Variants in GNAL observed in about 807,000 individuals in gnomAD.
The protein encoded by GNAL is guanine nucleotide-binding protein G(olf) subunit alpha.
A neutral mutation model predicts 55.1 loss-of-function variants in GNAL; 18 were observed. The ratio of observed to expected loss-of-function variants is 0.33; its 90% CI spans 0.23 to 0.48. The LOEUF is 0.48. GNAL is among the 20% of genes least tolerant of loss of function. The pLI is 0.99. For synonymous variants in GNAL, 253 were observed against 237.0 expected, an observed-to-expected ratio of 1.07 and a Z score of -0.62; for missense variants, 412 against 614.1, an observed-to-expected ratio of 0.67 and a Z score of 3.48.
intron 5 of GNAL, among the ~76,000 whole-genome samples, chr18:11,856,009 A>G (rs1180127733): frequency 1.3e-5 from 2 of 151,164 alleles, no homozygotes; most frequent in African/African-American, 4.9e-5. Flanking sequence ...CACCAGTCTG[A>G]TAAGAGAACC....
intron 5 of GNAL, among the ~76,000 whole-genome samples, chr18:11,830,528 AT>A (rs941489728): frequency 1.5e-4 from 23 of 152,220 alleles, no homozygotes; most frequent in African/African-American, 5.5e-4. Context: ...TGATGCTGAA[AT>A]TGTTAGGGCC....
At chr18:11,739,034 G>A (rs2032518767) in intron 1 of GNAL, among the ~76,000 whole-genome samples, 1 of 152,150 alleles carries the variant, frequency 6.6e-6, no homozygotes, top group Non-Finnish European at 1.5e-5. Context: ...ACACCATGAT[G>A]GTGTCCGCTG....
intron 7 of GNAL, among the ~76,000 whole-genome samples, chr18:11,866,484 C>T (rs963467958): frequency 1.3e-5 from 2 of 150,378 alleles, no homozygotes; most frequent in African/African-American, 5.0e-5. Context: ...GCCTTATGCG[C>T]TGAGCAGGGG....
intron 5 of GNAL, among the ~76,000 whole-genome samples, chr18:11,827,888 G>A (rs1018632622): frequency 1.4e-4 from 21 of 150,542 alleles, no homozygotes; most frequent in African/African-American, 4.9e-4. Flanking sequence ...GGGGAATGGC[G>A]TGAACCCGGG....
chr18:11,727,749 C>A (rs2032245554), intron 1 of GNAL, among the ~76,000 whole-genome samples: 1 of 151,886 alleles, frequency 6.6e-6, no homozygotes, highest in Non-Finnish European at 1.5e-5. Context: ...GTTTTAAAGG[C>A]AAAAAGTGGG....
intron 1 of GNAL, among the ~76,000 whole-genome samples, chr18:11,720,260 A>G (rs1041618108): frequency 6.6e-6 from 1 of 152,226 alleles, no homozygotes; most frequent in Non-Finnish European, 1.5e-5. Context: ...AGAGGAGAGA[A>G]AACAAATTTC....
chr18:11,758,347 A>G lies in GNAL; in HGVS notation c.624+4402A>G, dbSNP rs76287694. On this transcript the variant is annotated intron_variant, in intron 4 of 11. Transcript: ENST00000334049. ...TGATCGTCTAGTTTTGCAATTATCC[A>G]TAAACTGGTATTGTTCAGGTTATAA... Among the ~76,000 whole-genome samples the G allele has an allele frequency of 8.9e-3, 1,350 of 152,310 alleles. 15 individuals are homozygous for G. Among genetic ancestry groups the G allele is most frequent in the African/African-American group, 0.03 (1,252 of 41,572 alleles).
In GNAL at chr18:11,840,638, C is replaced by G. The variant is rs557200771; in HGVS notation, c.722+15623C>G. Among the ~76,000 whole-genome samples the G allele has an allele frequency of 2.3e-3, 351 of 152,228 alleles. 2 individuals are homozygous for G. Among genetic ancestry groups the G allele is most frequent in the African/African-American group, 8.2e-3 (341 of 41,526 alleles). On this transcript the variant is annotated intron_variant, in intron 5 of 11. Transcript: ENST00000334049. Reference sequence around the variant, plus strand: ...AGTCCTCAGACTTCCCTTTGTTACCCTTTGTTGACCACGTGCTTCTCATAG... The same window carrying G: ...AGTCCTCAGACTTCCCTTTGTTACCGTTTGTTGACCACGTGCTTCTCATAG...
chr18:11,755,755 T>G (rs1485989748), intron 4 of GNAL, among the ~76,000 whole-genome samples: 1 of 152,094 alleles, frequency 6.6e-6, no homozygotes, highest in African/African-American at 2.4e-5. Flanking sequence ...CTGGATGGCT[T>G]GGAGAGGGCA....
At chr18:11,696,525 A>G (rs2031419795) in intron 1 of GNAL, among the ~76,000 whole-genome samples, 1 of 151,354 alleles carries the variant, frequency 6.6e-6, no homozygotes, top group African/African-American at 2.4e-5. Flanking sequence ...AAAAGCACGC[A>G]TAACACATCC....
intron 1 of GNAL, among the ~76,000 whole-genome samples, chr18:11,728,289 G>A (rs1045334184): frequency 1.3e-5 from 2 of 152,050 alleles, no homozygotes; most frequent in African/African-American, 2.4e-5. Flanking sequence ...GGTGGGGGGA[G>A]TAAGGCATGA....
At chr18:11,870,134 G>C (rs566474083) in intron 9 of GNAL, among the ~76,000 whole-genome samples, 1 of 152,264 alleles carries the variant, frequency 6.6e-6, no homozygotes, top group East Asian at 1.9e-4. Context: ...GGTTTTCACA[G>C]GGAGTCCTAG....
intron 4 of GNAL, among the ~76,000 whole-genome samples, chr18:11,770,710 C>G (rs1418270391): frequency 6.6e-6 from 1 of 151,950 alleles, no homozygotes; most frequent in Non-Finnish European, 1.5e-5. Context: ...TTTTCTCAAG[C>G]TTAAATAATC....
At chr18:11,870,881 G>A (rs1459315921) in intron 9 of GNAL, among the ~76,000 whole-genome samples, 3 of 152,126 alleles carry the variant, frequency 2.0e-5, no homozygotes, top group Admixed American at 6.6e-5. Flanking sequence ...GTGGTAATAA[G>A]ACTGTTAATA....
intron 4 of GNAL, among the ~76,000 whole-genome samples, chr18:11,788,899 A>G (rs1490073606): frequency 1.2e-5 from 1 of 85,002 alleles, no homozygotes; most frequent in African/African-American, 5.8e-5. Flanking sequence ...TCCGTCTCGA[A>G]AAAAAAAAAA....
At chr18:11,774,517 A>G (rs1029635102) in intron 4 of GNAL, among the ~76,000 whole-genome samples, 1 of 152,222 alleles carries the variant, frequency 6.6e-6, no homozygotes, top group Non-Finnish European at 1.5e-5. Context: ...AATGGCGACC[A>G]CTGCTTGAAC....
intron 5 of GNAL, among the ~76,000 whole-genome samples, chr18:11,831,168 T>TA (rs145360864): frequency 0.014 from 2,084 of 149,754 alleles, 47 homozygotes; most frequent in African/African-American, 0.047. Flanking sequence ...TATCTTGATT[T>TA]AAAAAAAAAA....
At chr18:11,786,436 CTTTTTTTTTTTTTTTTTT>C (rs66803403) in intron 4 of GNAL, among the ~76,000 whole-genome samples, 11 of 60,616 alleles carry the variant, frequency 1.8e-4, no homozygotes, top group Non-Finnish European at 2.6e-4. Context: ...CATACGTTTT[CTTTTTTTTTTTTTTTTTT>C]TTTTTTTTTT....
Position 11,884,616 on chromosome 18 carries a change from C to T in GNAL, c.*3481C>T, listed in dbSNP as rs558317965. On this transcript the variant is annotated 3_prime_UTR_variant, in exon 12 of 12. Transcript: ENST00000334049. ...ACTTGGAGAGGGTGTAGTCTGTGGGCGTGATGCTACCCTGGAAAGGAGAAG... is the reference window on the plus strand; with the variant it reads ...ACTTGGAGAGGGTGTAGTCTGTGGGTGTGATGCTACCCTGGAAAGGAGAAG... The T allele has an allele frequency of 5.5e-5, 88 of 1,613,292 alleles. No homozygotes were observed. The highest frequency in any genetic ancestry group is 7.0e-5 in the Non-Finnish European group (83 of 1,179,826).
Sources: allele counts gnomAD v4.1 joint callset (sites outside exome capture counted in the v4.1 genomes callset), GRCh38; gene constraint gnomAD v4.1.1; transcripts MANE v1.5; gene names NCBI Gene and HGNC (gene_info 2026-07-23, HGNC 2026-07-21).